The following DENND1B variants were observed in gnomAD, a reference collection of about 807,000 sequenced individuals.
DENND1B encodes the protein DENN domain containing 1B.
DENND1B carries 59 observed loss-of-function variants against 90.1 expected under a neutral mutation model. The ratio of observed to expected loss-of-function variants is 0.65; its 90% CI spans 0.53 to 0.81. The LOEUF (loss-of-function observed/expected upper bound fraction) is 0.81. DENND1B is among the 40% of genes least tolerant of loss of function. The pLI, the probability that DENND1B is intolerant of heterozygous loss-of-function variation, is 0.00. For missense variants in DENND1B, 862 were observed against 912.6 expected (o/e 0.94, Z 0.71); for synonymous variants, 337 against 324.6 (o/e 1.04, Z -0.41).
At chr1:197,775,821 A>G (rs1008066716), upstream of DENND1B, 2 of 152,284 alleles carry the variant, frequency 1.3e-5, no homozygotes, top group African/African-American at 4.8e-5. Context: ...TTTTCCACAC[A>G]CATACACACG....
At chr1:197,685,067 G>A (rs1419660345) in intron 3 of DENND1B, among the ~76,000 whole-genome samples, 6 of 152,040 alleles carry the variant, frequency 3.9e-5, no homozygotes, top group East Asian at 3.9e-4. Context: ...GCAGTGAGCC[G>A]AGATCGCACC....
chr1:197,754,077 A>C (rs1259323034), intron 2 of DENND1B, among the ~76,000 whole-genome samples: 1 of 151,864 alleles, frequency 6.6e-6, no homozygotes, highest in East Asian at 1.9e-4. Flanking sequence ...AAGACTAAAA[A>C]AAACCTGTAA....
intron 15 of DENND1B, among the ~76,000 whole-genome samples, chr1:197,581,322 A>G (rs1364697524): frequency 6.6e-6 from 1 of 152,204 alleles, no homozygotes; most frequent in African/African-American, 2.4e-5. Context: ...TGTGCAAGTA[A>G]GACTATCCAC....
rs371807555 is a variant in DENND1B, at chr1:197,715,019, T to C, written c.126+12A>G. 8.1e-6 allele frequency: 13 copies of C among 1,604,846 alleles called. No individual in the cohort carries two copies. The African/African-American group carries it at 9.4e-5, about 12-fold the overall frequency. On this transcript the variant is annotated intron_variant, in intron 3 of 22. Transcript: ENST00000620048. ...CAACTTTAAATTTTTTAAAAAATTATGTGGTACCAACCTGGTCTCCAAAGT... is the reference window on the plus strand; with the variant it reads ...CAACTTTAAATTTTTTAAAAAATTACGTGGTACCAACCTGGTCTCCAAAGT...
chr1:197,654,918 C>T (rs992123440), intron 6 of DENND1B, among the ~76,000 whole-genome samples: 10 of 152,006 alleles, frequency 6.6e-5, no homozygotes, highest in Non-Finnish European at 1.3e-4. Context: ...ATGTCTATAC[C>T]ATTTTAGCTG....
chr1:197,625,118 A>T (rs1678550697), intron 10 of DENND1B, among the ~76,000 whole-genome samples: 1 of 152,012 alleles, frequency 6.6e-6, no homozygotes, highest in Non-Finnish European at 1.5e-5. Context: ...GAATTTCCCC[A>T]ATCTAGCAAG....
chr1:197,593,322 A>T (rs1675400588), intron 14 of DENND1B, among the ~76,000 whole-genome samples: 2 of 151,750 alleles, frequency 1.3e-5, no homozygotes, highest in Non-Finnish European at 3.0e-5. Context: ...AGTCAGAAAA[A>T]ATGTAAAGGC....
chr1:197,635,243 T>C, intron 10 of DENND1B, among the ~76,000 whole-genome samples: 1 of 152,346 alleles, frequency 6.6e-6, no homozygotes, highest in Non-Finnish European at 1.5e-5. Flanking sequence ...TAATTTTTTA[T>C]TTTAAAAACT....
chr1:197,564,395 C>CAAAAAAAAA (rs71131780), intron 15 of DENND1B, among the ~76,000 whole-genome samples: 18 of 63,170 alleles, frequency 2.8e-4, no homozygotes, highest in Non-Finnish European at 3.3e-4. Flanking sequence ...CCTCCACCAG[C>CAAAAAAAAA]AAAAAAAAAA....
At chr1:197,669,540 T>C (rs2125980766) in intron 5 of DENND1B, among the ~76,000 whole-genome samples, 1 of 152,134 alleles carries the variant, frequency 6.6e-6, no homozygotes, top group East Asian at 1.9e-4. Flanking sequence ...TAAAATTAAA[T>C]AGTTATCTAA....
At chr1:197,617,786 A>G in intron 10 of DENND1B, 27 bp from the exon 11 acceptor site, 2 of 1,529,772 alleles carry the variant, frequency 1.3e-6, no homozygotes, top group South Asian at 2.2e-5. Context: ...GATAACAAAA[A>G]TAAGTAGCTG....
chr1:197,701,156 A>G (rs1658986345), intron 3 of DENND1B, among the ~76,000 whole-genome samples: 1 of 152,210 alleles, frequency 6.6e-6, no homozygotes, highest in Admixed American at 6.5e-5. Context: ...ACTATTTACA[A>G]TAGCAAAGAC....
intron 10 of DENND1B, among the ~76,000 whole-genome samples, chr1:197,636,509 T>C (rs964379078): frequency 2.6e-5 from 4 of 152,180 alleles, no homozygotes; most frequent in African/African-American, 9.6e-5. Context: ...CCTAGTACTA[T>C]GGCCTTGATC....
intron 2 of DENND1B, 56 bp from the exon 3 acceptor site, chr1:197,715,130 A>G: frequency 6.8e-7 from 1 of 1,475,914 alleles, no homozygotes; most frequent in Non-Finnish European, 9.4e-7. Context: ...ATTTAAAGGA[A>G]CAGTCTTGGT....
intron 19 of DENND1B, 69 bp from the exon 20 acceptor site, chr1:197,540,140 TAAAC>T (rs1394347424): frequency 3.3e-5 from 35 of 1,073,124 alleles, no homozygotes; most frequent in Non-Finnish European, 4.1e-5. Context: ...ATTAGATTAA[TAAAC>T]AAAGTATCTG....
At chr1:197,566,394 T>G (rs981915171) in intron 15 of DENND1B, among the ~76,000 whole-genome samples, 6 of 152,050 alleles carry the variant, frequency 3.9e-5, no homozygotes, top group Non-Finnish European at 7.4e-5. Context: ...ATATTAGCCC[T>G]TTGTCAGATG....
At chr1:197,601,588 G>A (rs139924477) in intron 13 of DENND1B, among the ~76,000 whole-genome samples, 1 of 151,542 alleles carries the variant, frequency 6.6e-6, no homozygotes, top group Non-Finnish European at 1.5e-5. Flanking sequence ...TAAAAGAAAG[G>A]CTAGGTAATT....
chr1:197,770,233 C>T (rs1656246871), intron 2 of DENND1B, among the ~76,000 whole-genome samples: 1 of 152,120 alleles, frequency 6.6e-6, no homozygotes, highest in Non-Finnish European at 1.5e-5. Context: ...ACATTATTTA[C>T]TTTAACCATT....
chr1:197,538,636 T>G (rs1438648169), intron 20 of DENND1B, among the ~76,000 whole-genome samples: 1 of 151,062 alleles, frequency 6.6e-6, no homozygotes, highest in Non-Finnish European at 1.5e-5. Context: ...ATAGTGTTGA[T>G]GAATGACTGA....
Sources: allele counts gnomAD v4.1 joint callset (sites outside exome capture counted in the v4.1 genomes callset), GRCh38; gene constraint gnomAD v4.1.1; transcripts MANE v1.5; gene names NCBI Gene and HGNC (gene_info 2026-07-23, HGNC 2026-07-21).